Variants in CAMKMT observed in about 807,000 individuals in gnomAD.
The protein encoded by CAMKMT is calmodulin-lysine N-methyltransferase.
In CAMKMT, 53 loss-of-function variants were observed where a neutral mutation model predicts 48.0. The ratio of observed to expected loss-of-function variants is 1.10; its 90% CI spans 0.89 to 1.39. The LOEUF is 1.39. Among genes scored for constraint, CAMKMT ranks in the 40% most tolerant of loss-of-function variants. CAMKMT has a pLI of 0.00. For synonymous variants in CAMKMT, 165 were observed against 152.3 expected, an observed-to-expected ratio of 1.08 and a Z score of -0.61; for missense variants, 428 against 402.7, an observed-to-expected ratio of 1.06 and a Z score of -0.54.
chr2:44,456,164 A>ATAC (rs1225169232), intron 3 of CAMKMT, among the ~76,000 whole-genome samples: 1 of 152,178 alleles, frequency 6.6e-6, no homozygotes, highest in East Asian at 1.9e-4. Flanking sequence ...TACATATTAG[A>ATAC]TACTTAATAT....
intron 1 of CAMKMT, chr2:44,369,897 A>G (rs1334525949): frequency 2.0e-5 from 3 of 152,186 alleles, no homozygotes; most frequent in Non-Finnish European, 4.4e-5. Context: ...CTTGTTTCAA[A>G]TCTCATGTTA....
intron 3 of CAMKMT, among the ~76,000 whole-genome samples, chr2:44,511,116 C>T (rs1204021563): frequency 6.6e-6 from 1 of 152,178 alleles, no homozygotes; most frequent in Non-Finnish European, 1.5e-5. Flanking sequence ...GCTGGGATTA[C>T]AGGCGTGAGC....
intron 1 of CAMKMT, 57 bp downstream of exon 1, chr2:44,362,202 C>A: frequency 7.3e-7 from 1 of 1,365,548 alleles, no homozygotes; most frequent in Non-Finnish European, 9.5e-7. Context: ...TCTCACGTAC[C>A]GGGGGAGCGA....
intron 4 of CAMKMT, chr2:44,705,344 G>A: frequency 1.0e-6 from 1 of 985,292 alleles, no homozygotes; most frequent in African/African-American, 1.7e-5. Flanking sequence ...ACTGGGAAGA[G>A]GAAACAATCC....
At chr2:44,645,288 A>C (rs1673671030) in intron 3 of CAMKMT, among the ~76,000 whole-genome samples, 1 of 152,254 alleles carries the variant, frequency 6.6e-6, no homozygotes, top group African/African-American at 2.4e-5. Context: ...GAGAGTTTTA[A>C]GATGGCATAT....
intron 3 of CAMKMT, among the ~76,000 whole-genome samples, chr2:44,640,647 A>G (rs1229848529): frequency 1.3e-5 from 2 of 152,244 alleles, no homozygotes; most frequent in Admixed American, 6.5e-5. Context: ...AGTTGCTGCT[A>G]CTGCTACTTA....
chr2:44,366,021 A>G (rs1436783006), intron 1 of CAMKMT, among the ~76,000 whole-genome samples: 1 of 152,254 alleles, frequency 6.6e-6, no homozygotes, highest in East Asian at 1.9e-4. Flanking sequence ...CTTTCTAGGT[A>G]TTTGTAATTC....
At chr2:44,651,644 G>A (rs1204460187) in intron 3 of CAMKMT, among the ~76,000 whole-genome samples, 1 of 152,216 alleles carries the variant, frequency 6.6e-6, no homozygotes, top group Non-Finnish European at 1.5e-5. Context: ...AAATTTAAAA[G>A]TATGCATGTG....
At chr2:44,523,269 T>TCTG (rs1465304789) in intron 3 of CAMKMT, among the ~76,000 whole-genome samples, 2 of 151,720 alleles carry the variant, frequency 1.3e-5, no homozygotes, top group Non-Finnish European at 2.9e-5. Context: ...GTCTTGGGCT[T>TCTG]CTGCTGGGGT....
chr2:44,572,975 C>A (rs1171749615), intron 3 of CAMKMT, among the ~76,000 whole-genome samples: 2 of 152,128 alleles, frequency 1.3e-5, no homozygotes, highest in Non-Finnish European at 2.9e-5. Flanking sequence ...GAATGTTAAT[C>A]TTTTCATGTG....
chr2:44,678,291 TG>T (rs1675831348), intron 3 of CAMKMT, among the ~76,000 whole-genome samples: 1 of 152,224 alleles, frequency 6.6e-6, no homozygotes, highest in Non-Finnish European at 1.5e-5. Context: ...GGTAGTGAAA[TG>T]GGGATGGTGC....
At chr2:44,572,223 CT>C (rs1413788822) in intron 3 of CAMKMT, among the ~76,000 whole-genome samples, 1 of 152,102 alleles carries the variant, frequency 6.6e-6, no homozygotes, top group African/African-American at 2.4e-5. Context: ...AAATTTAATT[CT>C]TTTGTAGAGA....
chr2:44,464,349 A>G (rs1668001899), intron 3 of CAMKMT, among the ~76,000 whole-genome samples: 3 of 152,358 alleles, frequency 2.0e-5, no homozygotes, highest in South Asian at 4.1e-4. Context: ...CTTATGGTGT[A>G]CCATCTGGCT....
chr2:44,637,513 C>T lies in CAMKMT; in HGVS notation c.377-66770C>T, dbSNP rs116246350. Among the ~76,000 whole-genome samples, 518 of 152,238 alleles carry T rather than the reference C, an allele frequency of 3.4e-3. 4 individuals carry two copies. The highest frequency in any genetic ancestry group is 0.012 in the African/African-American group (487 of 41,552). On this transcript the variant is annotated intron_variant, in intron 3 of 10. Coordinates refer to ENST00000378494, the MANE Select transcript of CAMKMT (RefSeq NM_024766.5). ...TACTAGGAAACTAATCTTTACTTCACGTCCCTGCCACCATTAACTTCAGCC... is the reference window on the plus strand; with the variant it reads ...TACTAGGAAACTAATCTTTACTTCATGTCCCTGCCACCATTAACTTCAGCC...
intron 3 of CAMKMT, among the ~76,000 whole-genome samples, chr2:44,391,105 C>T (rs1296209187): frequency 6.6e-6 from 1 of 152,096 alleles, no homozygotes; most frequent in Non-Finnish European, 1.5e-5. Context: ...AATTTCAGAA[C>T]TGTTAACTTT....
chr2:44,475,274 T>TA (rs1668627773), intron 3 of CAMKMT, among the ~76,000 whole-genome samples: 2 of 152,146 alleles, frequency 1.3e-5, no homozygotes, highest in Admixed American at 6.5e-5. Context: ...GAATGGACCT[T>TA]ATTTGAAAAG....
intron 3 of CAMKMT, among the ~76,000 whole-genome samples, chr2:44,662,202 A>G (rs1195451851): frequency 6.6e-6 from 1 of 152,198 alleles, no homozygotes; most frequent in Non-Finnish European, 1.5e-5. Context: ...TCTTTATATG[A>G]AAATGTTGCC....
Position 44,372,885 on chromosome 2 carries a change from T to C in CAMKMT, c.308T>C (p.Leu103Ser). ...SIFCPEYSIS[L>S]RHNSGSLNVE... The stretch of plus-strand genomic sequence containing the variant: ...TTCTGTCCTGAATACAGTATCTCCT[T>C]AAGGTAACCATTATTCTAGTTAAGA... The change falls in exon 2 of 11, where the codon TTA becomes TCA. Residue 103 changes from leucine (L) to serine (S), a missense_variant. By Grantham distance (145) the Leu-to-Ser change is moderately radical (BLOSUM62 -2). Coordinates refer to ENST00000378494, the MANE Select transcript of CAMKMT (RefSeq NM_024766.5). The C allele has an allele frequency of 1.9e-6, 3 of 1,608,134 alleles. No individual in the cohort carries two copies. Among genetic ancestry groups the C allele is most frequent in the Non-Finnish European group, 1.7e-6 (2 of 1,178,022 alleles).
At chr2:44,596,498 A>G (rs1670676070) in intron 3 of CAMKMT, among the ~76,000 whole-genome samples, 1 of 152,152 alleles carries the variant, frequency 6.6e-6, no homozygotes, top group South Asian at 2.1e-4. Flanking sequence ...ACAAATTCTT[A>G]CATCCATCAC....
Sources: allele counts gnomAD v4.1 joint callset (sites outside exome capture counted in the v4.1 genomes callset), GRCh38; gene constraint gnomAD v4.1.1; transcripts MANE v1.5; gene names NCBI Gene and HGNC (gene_info 2026-07-23, HGNC 2026-07-21).